Variants in TANK observed in about 807,000 individuals in gnomAD.
TANK encodes TRAF family member-associated NF-kappa-B activator.
Under a neutral mutation model 43.6 loss-of-function variants are expected in TANK, and 15 were observed. That is an observed-to-expected ratio of 0.34 (90% confidence interval 0.23 to 0.53). The LOEUF is 0.53. TANK is among the 20% of genes least tolerant of loss of function. The pLI is 0.94. For missense variants in TANK, 417 were observed against 498.6 expected (o/e 0.84, Z 1.56); for synonymous variants, 162 against 178.2 (o/e 0.91, Z 0.73).
chr2:161,149,013 T>C (rs1238373420), intron 1 of TANK, among the ~76,000 whole-genome samples: 1 of 151,286 alleles, frequency 6.6e-6, no homozygotes, highest in African/African-American at 2.4e-5. Context: ...CTTTTCAATT[T>C]CTACAAAAAA....
At chr2:161,191,674 ACTT>A (rs1286106713) in intron 2 of TANK, among the ~76,000 whole-genome samples, 1 of 152,172 alleles carries the variant, frequency 6.6e-6, no homozygotes, top group Admixed American at 6.5e-5. Context: ...TTGACCACAA[ACTT>A]CTTGTCTATA....
chr2:161,187,370 A>G (rs1027243269), intron 2 of TANK, among the ~76,000 whole-genome samples: 5 of 152,212 alleles, frequency 3.3e-5, no homozygotes, highest in Non-Finnish European at 5.9e-5. Context: ...TGGAGGCTGC[A>G]GTGAGCCATG....
At position 161,236,088 on chromosome 2, in the gene TANK, C is replaced by G. The variant is rs1041924426; in HGVS notation, c.*570C>G. ...AACAACTGGTAGAATTATTTAAACA[C>G]TTTAGATTTTTAAATAATATACATG... On this transcript the variant is annotated 3_prime_UTR_variant, in exon 8 of 8. Coordinates refer to ENST00000392749, the MANE Select transcript of TANK (RefSeq NM_001199135.3). 1 of 151,510 alleles carries G rather than the reference C, an allele frequency of 6.6e-6. No homozygotes were observed. Among genetic ancestry groups the G allele is most frequent in the Non-Finnish European group, 1.5e-5 (1 of 67,946 alleles). The allele number at this position is 151,510 out of a possible 1,614,324, so 9.4% of individuals were successfully genotyped here.
At position 161,150,589 on chromosome 2, in the gene TANK, CTTTT is replaced by C. The variant is rs989283972; in HGVS notation, c.-50+13543_-50+13546del. ...ATTATTGATTTCAAATCTTCTTCTT[CTTTT>C]TTTTTTTTTTTTTTTTCTTTTGAGA... On this transcript the variant is annotated intron_variant, in intron 1 of 7. Coordinates refer to the TANK transcript ENST00000259075. Among the ~76,000 whole-genome samples, 8 of 121,472 alleles carry C rather than the reference CTTTT, an allele frequency of 6.6e-5. 1 individual carries two copies. Among genetic ancestry groups the C allele is most frequent in the Admixed American group, 5.8e-4 (7 of 12,102 alleles). The allele number at this position is 121,472 out of a possible 152,430, so 79.7% of individuals were successfully genotyped here.
chr2:161,153,687 C>CA (rs11395042), intron 1 of TANK, among the ~76,000 whole-genome samples: 29,063 of 75,918 alleles, frequency 0.38, 5,788 homozygotes, highest in Non-Finnish European at 0.47. Context: ...GGCCCTGTCT[C>CA]AAAAAAAAAA....
chr2:161,219,464 C>G (rs1310466604), intron 4 of TANK, among the ~76,000 whole-genome samples: 1 of 152,120 alleles, frequency 6.6e-6, no homozygotes, highest in African/African-American at 2.4e-5. Context: ...GACAAGGCTC[C>G]TAGGATTTGT....
intron 4 of TANK, among the ~76,000 whole-genome samples, chr2:161,205,598 C>A (rs1686617141): frequency 6.6e-6 from 1 of 152,058 alleles, no homozygotes; most frequent in Non-Finnish European, 1.5e-5. Context: ...CAAGGACGTT[C>A]ATGCCATGGG....
upstream of TANK, among the ~76,000 whole-genome samples, chr2:161,159,972 G>A (rs1684331940): frequency 6.6e-6 from 1 of 152,154 alleles, no homozygotes; most frequent in East Asian, 1.9e-4. Context: ...AATTTACGAG[G>A]ATCTGTTGAA....
At chr2:161,156,069 T>C, upstream of TANK, 2 of 983,924 alleles carry the variant, frequency 2.0e-6, no homozygotes, top group Non-Finnish European at 1.2e-6. Context: ...ATTGTATTGG[T>C]TCAAAGTATT....
chr2:161,167,804 T>G (rs1481325962), intron 1 of TANK, among the ~76,000 whole-genome samples: 1 of 152,024 alleles, frequency 6.6e-6, no homozygotes, highest in African/African-American at 2.4e-5. Flanking sequence ...TTTGTATTTT[T>G]TAGTAGAGAC....
chr2:161,193,107 A>G (rs1685993262), intron 2 of TANK, among the ~76,000 whole-genome samples: 2 of 152,206 alleles, frequency 1.3e-5, no homozygotes, highest in Admixed American at 1.3e-4. Flanking sequence ...TGTGCCAGGG[A>G]CATCATATAT....
chr2:161,171,534 A>G (rs1684938740), intron 1 of TANK, among the ~76,000 whole-genome samples: 1 of 152,178 alleles, frequency 6.6e-6, no homozygotes, highest in Admixed American at 6.5e-5. Context: ...AAGAGCACAG[A>G]GTAAAGCTTT....
chr2:161,200,235 GGTT>G (rs1262307796), intron 2 of TANK: 2 of 363,450 alleles, frequency 5.5e-6, no homozygotes. Flanking sequence ...TTTTCAATGT[GGTT>G]GTTAGTGAGT....
chr2:161,161,458 C>T lies in TANK; in HGVS notation c.-50+972C>T, dbSNP rs552371698. ...GCATTCTGTTAAAAATTATTGTGTC[C>T]TCATTTGAGAGAGGAGGGATCCTCA... On this transcript the variant is annotated intron_variant, in intron 1 of 7. Transcript: ENST00000392749. 8 of 1,547,780 alleles carry T rather than the reference C, an allele frequency of 5.2e-6. No individual in the cohort carries two copies. The East Asian group carries it at 1.7e-4, about 33-fold the overall frequency.
At chr2:161,150,599 TTTTTTTTTTTC>T (rs981801640) in intron 1 of TANK, among the ~76,000 whole-genome samples, 2 of 142,710 alleles carry the variant, frequency 1.4e-5, no homozygotes, top group African/African-American at 5.6e-5. Flanking sequence ...CTTTTTTTTT[TTTTTTTTTTTC>T]TTTTGAGATG....
chr2:161,169,683 C>T (rs1353339820), intron 1 of TANK, among the ~76,000 whole-genome samples: 4 of 152,120 alleles, frequency 2.6e-5, no homozygotes, highest in Non-Finnish European at 5.9e-5. Context: ...TGTAGAACTA[C>T]ACAACTCATT....
chr2:161,216,945 G>T (rs1377745068), intron 4 of TANK, among the ~76,000 whole-genome samples: 1 of 152,180 alleles, frequency 6.6e-6, no homozygotes. Flanking sequence ...AGAGGAGAAA[G>T]TGCTTCCTAT....
At chr2:161,173,781 G>A (rs565921175) in intron 1 of TANK, among the ~76,000 whole-genome samples, 2 of 152,228 alleles carry the variant, frequency 1.3e-5, no homozygotes, top group Admixed American at 1.3e-4. Context: ...AGTGCCTATT[G>A]TGTGTTCAAC....
At chr2:161,225,464 C>T (rs1224196780) in intron 6 of TANK, among the ~76,000 whole-genome samples, 1 of 152,150 alleles carries the variant, frequency 6.6e-6, no homozygotes. Context: ...ATTTGTTTTA[C>T]ATATGTGTTA....
Sources: gnomAD v4.1 joint callset for allele counts (sites outside exome capture counted in the v4.1 genomes callset) on GRCh38, gnomAD v4.1.1 for gene constraint, MANE v1.5 for transcripts, NCBI Gene and HGNC (gene_info 2026-07-23, HGNC 2026-07-21) for gene names.